UBAC2: variants seen among roughly 807,000 people sequenced by gnomAD.
The protein encoded by UBAC2 is ubiquitin-associated domain-containing protein 2.
In UBAC2, 26 loss-of-function variants were observed where a neutral mutation model predicts 44.0. The observed-to-expected ratio is 0.59, with a 90% CI of 0.43 to 0.82. The LOEUF (loss-of-function observed/expected upper bound fraction) is 0.82. Ranked by LOEUF, UBAC2 falls within the 40% of genes least tolerant of loss-of-function variation. UBAC2 has a pLI of 0.00. For synonymous variants in UBAC2, 155 were observed against 154.3 expected (o/e 1.00, Z -0.04); for missense variants, 329 against 419.4 (o/e 0.78, Z 1.88).
chr13:99,233,662 T>C (rs2043201299), intron 1 of UBAC2, among the ~76,000 whole-genome samples: 1 of 151,984 alleles, frequency 6.6e-6, no homozygotes, highest in South Asian at 2.1e-4. Context: ...TAAGTAAAAA[T>C]CCATGAGTGT....
chr13:99,322,079 G>A (rs151265733), intron 6 of UBAC2, among the ~76,000 whole-genome samples: 3 of 152,310 alleles, frequency 2.0e-5, no homozygotes, highest in Non-Finnish European at 2.9e-5. Context: ...TTGCAAAATT[G>A]TAATTGGAAA....
chr13:99,346,607 C>G (rs976095068), intron 7 of UBAC2, among the ~76,000 whole-genome samples: 1 of 152,210 alleles, frequency 6.6e-6, no homozygotes, highest in South Asian at 2.1e-4. Flanking sequence ...CCTGTACCAA[C>G]CCCTTCACCC....
chr13:99,206,378 G>A (rs1160570923), intron 1 of UBAC2, among the ~76,000 whole-genome samples: 2 of 152,218 alleles, frequency 1.3e-5, no homozygotes, highest in African/African-American at 2.4e-5. Context: ...AGAGCTGGGG[G>A]CTTCTGTAGG....
At position 99,213,603 on chromosome 13, in the gene UBAC2, G is replaced by C. The variant is rs146523338; in HGVS notation, c.31+12664G>C. Reference sequence around the variant, plus strand: ...TTGAACTTCTGACCTCAGGTGATCCGCACGACTCAGCCTCCCAGAGTGCTG... The same window carrying C: ...TTGAACTTCTGACCTCAGGTGATCCCCACGACTCAGCCTCCCAGAGTGCTG... On this transcript the variant is annotated intron_variant, in intron 1 of 8. Transcript: ENST00000403766. Among the ~76,000 whole-genome samples the C allele has an allele frequency of 6.9e-3, 1,049 of 152,004 alleles. 13 individuals carry two copies. Among genetic ancestry groups the C allele is most frequent in the African/African-American group, 0.023 (964 of 41,458 alleles).
intron 2 of UBAC2, among the ~76,000 whole-genome samples, chr13:99,243,181 T>TA (rs573524967): frequency 2.4e-3 from 357 of 151,530 alleles, no homozygotes; most frequent in Middle Eastern, 6.9e-3. Context: ...GGATTATCTT[T>TA]AAAAATCTGA....
chr13:99,255,835 A>G, intron 4 of UBAC2: 1 of 1,602,206 alleles, frequency 6.2e-7, no homozygotes, highest in Non-Finnish European at 8.5e-7. Context: ...TGAGCTGTTA[A>G]AAGGGACAGG....
chr13:99,360,194 G>A (rs922708235), intron 7 of UBAC2, among the ~76,000 whole-genome samples: 10 of 152,150 alleles, frequency 6.6e-5, no homozygotes, highest in African/African-American at 2.4e-4. Context: ...ATATGTTCAG[G>A]TCTTCCATCC....
chr13:99,345,403 G>A (rs2044959321), intron 7 of UBAC2, among the ~76,000 whole-genome samples: 2 of 151,058 alleles, frequency 1.3e-5, no homozygotes, highest in Non-Finnish European at 2.9e-5. Flanking sequence ...ACAAATAGAA[G>A]GAGGTTTCTA....
intron 1 of UBAC2, among the ~76,000 whole-genome samples, chr13:99,232,501 A>T (rs2043187648): frequency 6.6e-6 from 1 of 151,024 alleles, no homozygotes; most frequent in East Asian, 1.9e-4. Context: ...TGGGCTTAAT[A>T]AGTAGTTTAT....
intron 6 of UBAC2, among the ~76,000 whole-genome samples, chr13:99,338,518 T>C (rs2044835929): frequency 6.6e-6 from 1 of 152,230 alleles, no homozygotes; most frequent in African/African-American, 2.4e-5. Flanking sequence ...ACTTATATGC[T>C]GCTTATATGC....
intron 6 of UBAC2, among the ~76,000 whole-genome samples, chr13:99,326,842 G>C (rs1205271665): frequency 6.6e-6 from 1 of 152,100 alleles, no homozygotes; most frequent in Non-Finnish European, 1.5e-5. Flanking sequence ...GTTTCCCTTA[G>C]CCACACCACT....
chr13:99,234,354 A>T, intron 1 of UBAC2: 1 of 324,124 alleles, frequency 3.1e-6, no homozygotes, highest in Non-Finnish European at 6.5e-6. Flanking sequence ...CGCCCGGGTA[A>T]TTTTTTTGTA....
chr13:99,229,022 G>A (rs745472844), intron 1 of UBAC2, among the ~76,000 whole-genome samples: 1 of 152,212 alleles, frequency 6.6e-6, no homozygotes. Flanking sequence ...GTCCCCATCA[G>A]TGAGGCTTTT....
At chr13:99,334,492 CAAGAA>C (rs2044759365) in intron 6 of UBAC2, among the ~76,000 whole-genome samples, 1 of 151,974 alleles carries the variant, frequency 6.6e-6, no homozygotes, top group African/African-American at 2.4e-5. Context: ...TTGGAGTTTC[CAAGAA>C]CCTATCAGTG....
intron 6 of UBAC2, among the ~76,000 whole-genome samples, chr13:99,336,861 T>C (rs770644404): frequency 3.9e-5 from 6 of 152,110 alleles, no homozygotes; most frequent in African/African-American, 1.2e-4. Flanking sequence ...TAATCCACCA[T>C]GCAGGTACAG....
At chr13:99,201,713 AC>A in intron 1 of UBAC2, 1 of 751,472 alleles carries the variant, frequency 1.3e-6, no homozygotes, top group Admixed American at 2.7e-5. Context: ...ATTGCTTGTC[AC>A]TGTTCATACT....
At chr13:99,201,141 GA>G in intron 1 of UBAC2, 1 of 1,369,320 alleles carries the variant, frequency 7.3e-7, no homozygotes, top group Middle Eastern at 2.0e-4. Flanking sequence ...GGCGAATGGG[GA>G]CAAAGCCCCG....
intron 4 of UBAC2, among the ~76,000 whole-genome samples, chr13:99,257,393 T>A (rs886851971): frequency 2.6e-5 from 4 of 152,206 alleles, no homozygotes; most frequent in Non-Finnish European, 5.9e-5. Flanking sequence ...TTTCTTTTTT[T>A]AGTATTGCAT....
In UBAC2 at chr13:99,338,039, C is replaced by CTTTTTTCTTTTTT. The variant is rs1566509471; in HGVS notation, c.562-2275_562-2274insCTTTTTTTTTTTT. Among the ~76,000 whole-genome samples, 168 of 91,526 alleles carry CTTTTTTCTTTTTT rather than the reference C, an allele frequency of 1.8e-3. 6 individuals are homozygous for CTTTTTTCTTTTTT. Among genetic ancestry groups the CTTTTTTCTTTTTT allele is most frequent in the Non-Finnish European group, 2.2e-3 (115 of 51,818 alleles). 60.0% of individuals were successfully genotyped at this position (91,526 alleles called of 152,430 possible). On this transcript the variant is annotated intron_variant, in intron 6 of 8. Coordinates refer to ENST00000403766, the MANE Select transcript of UBAC2 (RefSeq NM_001144072.2). ...GCAAAAAAATCTCCTAACTTTTTTTCTTTTTTTCTTTTTTTTTTTTTTTTT... is the reference window on the plus strand; with the variant it reads ...GCAAAAAAATCTCCTAACTTTTTTTCTTTTTTCTTTTTTTTTTTTTCTTTTTTTTTTTTTTTTT...
Sources: gnomAD v4.1 joint callset for allele counts (sites outside exome capture counted in the v4.1 genomes callset) on GRCh38, gnomAD v4.1.1 for gene constraint, MANE v1.5 for transcripts, NCBI Gene and HGNC (gene_info 2026-07-23, HGNC 2026-07-21) for gene names.